AKAP13: variants seen among roughly 807,000 people sequenced by gnomAD.
AKAP13 encodes the protein A-kinase anchoring protein 13, also known as A-kinase anchor protein 13.
In AKAP13, 80 loss-of-function variants were observed where a neutral mutation model predicts 264.5. That is an observed-to-expected ratio of 0.30 (90% CI 0.25 to 0.36). The LOEUF (loss-of-function observed/expected upper bound fraction) is 0.36. AKAP13 is among the 10% of genes least tolerant of loss of function. The pLI is 1.00. For synonymous variants in AKAP13, 1,380 were observed against 1,250.2 expected, an observed-to-expected ratio of 1.10 and a Z score of -2.19; for missense variants, 3,712 against 3,435.2, an observed-to-expected ratio of 1.08 and a Z score of -2.01.
At chr15:85,559,065 T>C (rs960484370) in intron 5 of AKAP13, among the ~76,000 whole-genome samples, 1 of 152,134 alleles carries the variant, frequency 6.6e-6, no homozygotes, top group African/African-American at 2.4e-5. Flanking sequence ...TTTCAGCTTA[T>C]TTTGTAAGCA....
chr15:85,658,642 C>A (rs1341454483), intron 12 of AKAP13, 52 bp downstream of exon 12: 1 of 1,498,794 alleles, frequency 6.7e-7, no homozygotes, highest in African/African-American at 1.4e-5. Flanking sequence ...TGAGCATATA[C>A]TAACAAGCAT....
At chr15:85,404,387 T>C (rs1048645840) in intron 1 of AKAP13, among the ~76,000 whole-genome samples, 2 of 152,242 alleles carry the variant, frequency 1.3e-5, no homozygotes, top group Admixed American at 1.3e-4. Context: ...AACAACACGC[T>C]TTAAAAACTG....
At chr15:85,585,895 T>C in intron 8 of AKAP13, 72 bp downstream of exon 8, 1 of 1,572,392 alleles carries the variant, frequency 6.4e-7, no homozygotes, top group Non-Finnish European at 8.7e-7. Context: ...TATTTATGGC[T>C]TTGTCTTTTA....
At position 85,415,690 on chromosome 15, in the gene AKAP13, C is replaced by T. The variant is rs1441667911; in HGVS notation, c.-12+34892C>T. ...ACTAAGAGAATGACCAAGCTCAGTT[C>T]AATGAGCAAATCTCCATACCGTTTC... On this transcript the variant is annotated intron_variant, in intron 1 of 36. Coordinates refer to ENST00000394518, the MANE Select transcript of AKAP13 (RefSeq NM_007200.5). 6.8e-6 allele frequency: 6 copies of T among 878,950 alleles called. 1 individual carries two copies. The African/African-American group carries it at 8.5e-5, about 12-fold the overall frequency. 54.4% of individuals were successfully genotyped at this position (878,950 alleles called of 1,614,324 possible).
rs1490028942 is a variant in AKAP13, at chr15:85,726,965, T to A, written c.6823-101T>A. 4 of 1,300,080 alleles carry A rather than the reference T, an allele frequency of 3.1e-6. No homozygotes were observed. In the Admixed American group the frequency reaches 8.3e-5, roughly 27 times the overall value. 80.5% of individuals were successfully genotyped at this position (1,300,080 alleles called of 1,614,324 possible). On this transcript the variant is annotated intron_variant, in intron 27 of 36. Coordinates refer to ENST00000394518, the MANE Select transcript of AKAP13 (RefSeq NM_007200.5). ...AGTAGCCCTTGTTTTTCAAACTATG[T>A]GCTTTTTTAACAGCATCTGGTCTTA... is the stretch of plus-strand genomic sequence containing the variant.
At chr15:85,717,833 T>C (rs984411647) in intron 21 of AKAP13, among the ~76,000 whole-genome samples, 174 bp from the exon 22 acceptor site, 1 of 152,248 alleles carries the variant, frequency 6.6e-6, no homozygotes, top group African/African-American at 2.4e-5. Context: ...ATGTAGAGTC[T>C]GTCACTCCTG....
At chr15:85,590,894 GTAT>G (rs1451114655) in intron 8 of AKAP13, among the ~76,000 whole-genome samples, 1 of 152,044 alleles carries the variant, frequency 6.6e-6, no homozygotes, top group African/African-American at 2.4e-5. Context: ...GTACAGCTTA[GTAT>G]TATTATTAGT....
intron 1 of AKAP13, among the ~76,000 whole-genome samples, chr15:85,460,051 T>C (rs1453214294): frequency 6.6e-6 from 1 of 152,228 alleles, no homozygotes. Context: ...TTTTCAAATG[T>C]GTTTTCATAT....
At chr15:85,481,826 A>G (rs1477791889) in intron 1 of AKAP13, among the ~76,000 whole-genome samples, 1 of 152,222 alleles carries the variant, frequency 6.6e-6, no homozygotes, top group East Asian at 1.9e-4. Flanking sequence ...GCCTCAGTGA[A>G]CTTGTGAATT....
At chr15:85,494,198 A>G (rs2075810581) in intron 2 of AKAP13, among the ~76,000 whole-genome samples, 4 of 152,114 alleles carry the variant, frequency 2.6e-5, no homozygotes, top group South Asian at 4.1e-4. Context: ...GGCTCTATCT[A>G]TCACCACTCC....
chr15:85,672,279 A>G (rs1379612590), intron 14 of AKAP13, among the ~76,000 whole-genome samples: 1 of 152,232 alleles, frequency 6.6e-6, no homozygotes, highest in Non-Finnish European at 1.5e-5. Flanking sequence ...ATATGCTGCA[A>G]CAGAAGGACC....
intron 1 of AKAP13, among the ~76,000 whole-genome samples, chr15:85,438,663 G>T (rs898005973): frequency 3.3e-5 from 5 of 149,858 alleles, no homozygotes; most frequent in African/African-American, 1.2e-4. Flanking sequence ...AAATAACGCC[G>T]CATATATACA....
At chr15:85,706,106 C>T (rs1346617059) in intron 17 of AKAP13, among the ~76,000 whole-genome samples, 1 of 152,014 alleles carries the variant, frequency 6.6e-6, no homozygotes, top group Non-Finnish European at 1.5e-5. Context: ...ATTTGAAAGA[C>T]TTTAGCTGAG....
In AKAP13 at chr15:85,579,010, T is replaced by A; in HGVS notation, c.942T>A (p.Asp314Glu). The change falls in exon 7 of 37, where the codon GAT (aspartate) becomes GAA (glutamate). Residue 314 changes from aspartate (D) to glutamate (E), a missense_variant. Coordinates refer to ENST00000394518, the MANE Select transcript of AKAP13 (RefSeq NM_007200.5). ...ATCCTTCCAGTGCCCCAGAGACAGA[T>A]GGCCAGTTTCTTCCCTGTGCACCGG... ...AQDPSSAPET[D>E]GQFLPCAPEP... 1 of 1,614,064 alleles carries A rather than the reference T, an allele frequency of 6.2e-7. No individual in the cohort carries two copies. The highest frequency in any genetic ancestry group is 8.5e-7 in the Non-Finnish European group (1 of 1,180,016).
chr15:85,743,780 A>G lies in AKAP13; in HGVS notation c.8347A>G (p.Lys2783Glu), dbSNP rs768565537. 14 of 1,612,654 alleles carry G rather than the reference A, an allele frequency of 8.7e-6. No individual in the cohort carries two copies. The highest frequency in any genetic ancestry group is 3.3e-5 in the South Asian group (3 of 91,018). Reference sequence around the variant, plus strand: ...TGGGTTAACAAAGCCAAAGGAAAAGAAGGAGAAAAAAAAGAAGAACAAAAC... The same window carrying G: ...TGGGTTAACAAAGCCAAAGGAAAAGGAGGAGAAAAAAAAGAAGAACAAAAC... ...LFGLTKPKEK[K>E]EKKKKNKTSR... The change falls in exon 36 of 37, where the codon AAG becomes GAG. Residue 2783 changes from lysine (K) to glutamate (E), a missense_variant. Physicochemically the swap from Lys to Glu is moderately conservative, Grantham distance 56. Around this residue, in one of 3 missense-constraint regions of AKAP13, gnomAD observed 611 missense variants for 539.3 expected, o/e 1.13. Transcript: ENST00000394518.
intron 1 of AKAP13, among the ~76,000 whole-genome samples, chr15:85,477,902 A>G (rs767026709): frequency 3.9e-5 from 6 of 151,986 alleles, no homozygotes; most frequent in African/African-American, 7.3e-5. Flanking sequence ...CCCTGCGTGC[A>G]CTTCCTATTC....
chr15:85,416,834 T>C (rs890744711), intron 1 of AKAP13, among the ~76,000 whole-genome samples: 2 of 152,184 alleles, frequency 1.3e-5, no homozygotes. Context: ...TCCCTGCCCA[T>C]TAAAGGTAGC....
chr15:85,703,467 C>A (rs137989744), intron 17 of AKAP13, among the ~76,000 whole-genome samples: 1 of 152,254 alleles, frequency 6.6e-6, no homozygotes, highest in African/African-American at 2.4e-5. Context: ...GTTATTACAC[C>A]AGCTACCAAG....
chr15:85,533,723 T>G lies in AKAP13; in HGVS notation c.321T>G (p.Ala107=), dbSNP rs867473533. The change falls in exon 4 of 37, where the codon GCT becomes GCG. Residue 107 remains alanine (A), a synonymous_variant. Transcript: ENST00000394518. The part of the protein sequence containing the change: ...YDAAQFLATS[A]GNQQALNFTR... Reference sequence around the variant, plus strand: ...CAGCTCAATTCCTAGCAACCAGTGCTGGAAATCAGCAGGCTTTGAACTTTA... The same window carrying G: ...CAGCTCAATTCCTAGCAACCAGTGCGGGAAATCAGCAGGCTTTGAACTTTA... The G allele has an allele frequency of 5.0e-6, 8 of 1,614,194 alleles. No individual in the cohort carries two copies. Among genetic ancestry groups the G allele is most frequent in the Non-Finnish European group, 6.8e-6 (8 of 1,180,034 alleles).
Sources: gnomAD v4.1 joint callset for allele counts (sites outside exome capture counted in the v4.1 genomes callset) on GRCh38, gnomAD v4.1.1 for gene constraint, gnomAD v4.1.1 regional missense constraint, MANE v1.5 for transcripts, NCBI Gene and HGNC (gene_info 2026-07-23, HGNC 2026-07-21) for gene names.